The following CERS2 variants were observed in gnomAD, a reference collection of about 807,000 sequenced individuals.
The protein encoded by CERS2 is ceramide synthase 2, also known as LAG1 homolog, ceramide synthase 2.
CERS2 carries 20 observed loss-of-function variants against 56.6 expected under a neutral mutation model. The ratio of observed to expected loss-of-function variants is 0.35; its 90% CI spans 0.25 to 0.51. The LOEUF (loss-of-function observed/expected upper bound fraction) is 0.51, where lower values mean the gene tolerates loss of function less well. Among genes scored for constraint, CERS2 ranks in the 20% least tolerant of loss-of-function variants. CERS2 has a pLI of 0.96. For missense variants in CERS2, 361 were observed against 488.6 expected, an observed-to-expected ratio of 0.74 and a Z score of 2.46; for synonymous variants, 187 against 175.4, an observed-to-expected ratio of 1.07 and a Z score of -0.52.
At chr1:150,968,877 T>C in intron 2 of CERS2, 41 bp downstream of exon 2, 1 of 1,581,740 alleles carries the variant, frequency 6.3e-7, no homozygotes, top group Non-Finnish European at 8.6e-7. Context: ...AAACTGCAAC[T>C]GGCAACAGGG....
intron 1 of CERS2, among the ~76,000 whole-genome samples, chr1:150,972,552 G>A (rs940149990): frequency 2.0e-5 from 3 of 152,220 alleles, no homozygotes; most frequent in African/African-American, 7.2e-5. Context: ...AGACAACCCT[G>A]TTTTTCCAGG....
At chr1:150,971,971 A>T (rs1250059747) in intron 1 of CERS2, 1 of 465,488 alleles carries the variant, frequency 2.1e-6, no homozygotes, top group African/African-American at 2.0e-5. Context: ...ACTGGCAGGG[A>T]TGTTTCTCTA....
chr1:150,966,145 G>GCA lies in CERS2; in HGVS notation c.*2_*3insTG. 6.2e-7 allele frequency: 1 copy of GCA among 1,611,202 alleles called. No homozygotes were observed. Among genetic ancestry groups the GCA allele is most frequent in the South Asian group, 1.1e-5 (1 of 90,708 alleles). ...TAATCTGGGAGGCAGCTGGAGTAATGGTTCAGTCATTCTTACGATGGTTGT... is the reference window on the plus strand; with the variant it reads ...TAATCTGGGAGGCAGCTGGAGTAATGCAGTTCAGTCATTCTTACGATGGTTGT... On this transcript the variant is annotated 3_prime_UTR_variant, in exon 11 of 11. Coordinates refer to ENST00000368954, the MANE Select transcript of CERS2 (RefSeq NM_022075.5).
At position 150,966,777 on chromosome 1, in the gene CERS2, C is replaced by T. The variant is rs1671030503; in HGVS notation, c.827G>A (p.Arg276Gln). 3 of 1,613,720 alleles carry T rather than the reference C, an allele frequency of 1.9e-6. No individual in the cohort carries two copies. The highest frequency in any genetic ancestry group is 1.1e-5 in the South Asian group (1 of 91,070). Residue 276 changes from arginine to glutamine, a missense_variant, in exon 9 of 11, where the codon CGA becomes CAA. By Grantham distance (43) the Arg-to-Gln change is conservative (BLOSUM62 1). Transcript: ENST00000368954. Reference protein sequence around the residue: ...IVFAIVFIITRLVILPFWILH... With the variant: ...IVFAIVFIITQLVILPFWILH... Reference sequence around the variant, plus strand: ...TCACCAGAAGGGCAGGATGACCAGTCGGGTGATGATAAAAACAATGGCGAA... The same window carrying T: ...TCACCAGAAGGGCAGGATGACCAGTTGGGTGATGATAAAAACAATGGCGAA...
At chr1:150,967,016 G>A (rs192357982) in intron 8 of CERS2, 58 bp downstream of exon 8, 21,887 of 1,602,022 alleles carry the variant, frequency 0.014, 219 homozygotes, top group South Asian at 0.019. Flanking sequence ...CCCTCCCAAA[G>A]AAAACCAAAG....
At position 150,966,226 on chromosome 1, in the gene CERS2, T is replaced by C; in HGVS notation, c.1065A>G (p.Ala355=). The change falls in exon 11 of 11, where the codon GCA becomes GCG. Residue 355 remains alanine (A), a synonymous_variant. Coordinates refer to ENST00000368954, the MANE Select transcript of CERS2 (RefSeq NM_022075.5). ...ETESSEGEEA[A]AGGGAKSRPL... Reference sequence around the variant, plus strand: ...GCCGGCTCTTTGCTCCTCCCCCAGCTGCAGCCTCCTCCCCCTCTGAGCTCT... The same window carrying C: ...GCCGGCTCTTTGCTCCTCCCCCAGCCGCAGCCTCCTCCCCCTCTGAGCTCT... 2 of 1,607,940 alleles carry C rather than the reference T, an allele frequency of 1.2e-6. No homozygotes were observed. The highest frequency in any genetic ancestry group is 1.7e-6 in the Non-Finnish European group (2 of 1,178,412).
chr1:150,967,326 G>A (rs587708607), intron 7 of CERS2, 66 bp downstream of exon 7: 19 of 1,425,460 alleles, frequency 1.3e-5, no homozygotes, highest in Middle Eastern at 1.8e-4. Context: ...GAAGTCAAAG[G>A]AGAGGGTGTT....
chr1:150,969,049 C>G lies in CERS2; in HGVS notation c.42G>C (p.Leu14=), dbSNP rs780266733. Residue 14 remains leucine, a synonymous_variant, in exon 2 of 11, where the codon CTG becomes CTC. Coordinates refer to ENST00000368954, the MANE Select transcript of CERS2 (RefSeq NM_022075.5). ...TLYDYFWWER[L]WLPVNLTWAD... Reference sequence around the variant, plus strand: ...CCCAGGTCAAGTTCACAGGCAGCCACAGACGTTCCCACCAGAAGTAATCAT... The same window carrying G: ...CCCAGGTCAAGTTCACAGGCAGCCAGAGACGTTCCCACCAGAAGTAATCAT... 5.6e-6 allele frequency: 9 copies of G among 1,613,974 alleles called. No homozygotes were observed. The highest frequency in any genetic ancestry group is 1.7e-5 in the Admixed American group (1 of 59,994).
At chr1:150,971,765 C>T in intron 1 of CERS2, 1 of 439,224 alleles carries the variant, frequency 2.3e-6, no homozygotes, top group Non-Finnish European at 4.7e-6. Context: ...CAATGCGGAA[C>T]ACTTTGATGT....
intron 1 of CERS2, among the ~76,000 whole-genome samples, chr1:150,973,617 A>C (rs898043161): frequency 2.6e-5 from 4 of 152,250 alleles, no homozygotes; most frequent in African/African-American, 9.6e-5. Context: ...GCCCCTTTAC[A>C]TGTGCAGCCA....
In CERS2 at chr1:150,965,987, T is replaced by C; in HGVS notation, c.*161A>G. 1.4e-6 allele frequency: 1 copy of C among 716,074 alleles called. No individual in the cohort carries two copies. Among genetic ancestry groups the C allele is most frequent in the Non-Finnish European group, 2.2e-6 (1 of 449,104 alleles). The allele number at this position is 716,074 out of a possible 1,614,324, so 44.4% of individuals were successfully genotyped here. On this transcript the variant is annotated 3_prime_UTR_variant, in exon 11 of 11. Coordinates refer to ENST00000368954, the MANE Select transcript of CERS2 (RefSeq NM_022075.5). ...ACCTGGGGATAGGCTGGTTAGAATTTGGTTTAAAGGCAACTGGGTGACAAG... is the reference window on the plus strand; with the variant it reads ...ACCTGGGGATAGGCTGGTTAGAATTCGGTTTAAAGGCAACTGGGTGACAAG...
intron 1 of CERS2, among the ~76,000 whole-genome samples, chr1:150,973,386 G>A (rs1358161087): frequency 2.0e-5 from 3 of 152,342 alleles, no homozygotes; most frequent in Non-Finnish European, 2.9e-5. Context: ...CAGCTGGGGC[G>A]GTGTTGAAGG....
At position 150,968,935 on chromosome 1, in the gene CERS2, A is replaced by G. The variant is rs1558033059; in HGVS notation, c.156T>C (p.Val52=). ...ATGCTTACAGCTCAAAGAAGTATCG[A>G]ACGATGAGGAAGAGCAAGGCCAGGG... is the stretch of plus-strand genomic sequence containing the variant. ...TLPLALLFLI[V]RYFFELYVAT... is the part of the protein sequence containing the mutation. Residue 52 remains valine, a synonymous_variant, in exon 2 of 11, where the codon GTT becomes GTC. Transcript: ENST00000368954. 6.2e-7 allele frequency: 1 copy of G among 1,613,568 alleles called. No individual in the cohort carries two copies. Among genetic ancestry groups the G allele is most frequent in the Non-Finnish European group, 8.5e-7 (1 of 1,179,958 alleles).
intron 2 of CERS2, 39 bp downstream of exon 2, chr1:150,968,879 G>A: frequency 6.3e-7 from 1 of 1,585,274 alleles, no homozygotes; most frequent in African/African-American, 1.3e-5. Context: ...ACTGCAACTG[G>A]CAACAGGGGA....
In CERS2 at chr1:150,965,494, G is replaced by T. The variant is rs1670978872; in HGVS notation, c.*654C>A. On this transcript the variant is annotated 3_prime_UTR_variant, in exon 11 of 11. Coordinates refer to ENST00000368954, the MANE Select transcript of CERS2 (RefSeq NM_022075.5). ...AGGGGGAAGAGGCCAGAGAAAGGAG[G>T]AGGCAGTCAGATCTTAGACCTGTCG... 6.6e-6 allele frequency: 1 copy of T among 152,578 alleles called. No individual in the cohort carries two copies. 9.5% of individuals were successfully genotyped at this position (152,578 alleles called of 1,614,324 possible).
At chr1:150,966,699 G>A in intron 9 of CERS2, 57 bp downstream of exon 9, 2 of 1,602,888 alleles carry the variant, frequency 1.2e-6, no homozygotes, top group Non-Finnish European at 1.7e-6. Flanking sequence ...AGGAGGGGAA[G>A]AAAGGCAAGG....
intron 1 of CERS2, among the ~76,000 whole-genome samples, chr1:150,971,303 T>C (rs941829682): frequency 6.6e-6 from 1 of 152,210 alleles, no homozygotes; most frequent in African/African-American, 2.4e-5. Flanking sequence ...AGACAGAGCC[T>C]GAGACCACAG....
At chr1:150,969,796 C>T (rs1347688334) in intron 1 of CERS2, among the ~76,000 whole-genome samples, 3 of 152,112 alleles carry the variant, frequency 2.0e-5, no homozygotes, top group Non-Finnish European at 4.4e-5. Flanking sequence ...ACACTCTGGC[C>T]ACTTCCTCGA....
rs749478909 is a variant in CERS2, at chr1:150,968,489, G to A, written c.197C>T (p.Ala66Val). Reference protein sequence around the residue: ...FELYVATPLAALLNIKEKTRL... With the variant: ...FELYVATPLAVLLNIKEKTRL... ...AGTTTTCTCCTTTATGTTCAAGAGGGCAGCCAGTGGTGTAGCCACGTACCT... is the reference window on the plus strand; with the variant it reads ...AGTTTTCTCCTTTATGTTCAAGAGGACAGCCAGTGGTGTAGCCACGTACCT... Residue 66 changes from alanine to valine, a missense_variant, in exon 3 of 11, where the codon GCC (alanine) becomes GTC (valine). Around this residue, in one of 3 missense-constraint regions of CERS2, gnomAD observed 236 missense variants for 309.2 expected, o/e 0.76. Transcript: ENST00000368954. The A allele has an allele frequency of 2.4e-5, 38 of 1,613,948 alleles. No individual in the cohort carries two copies. The African/African-American group carries it at 4.9e-4, about 21-fold the overall frequency.
Sources: gnomAD v4.1 joint callset for allele counts (sites outside exome capture counted in the v4.1 genomes callset) on GRCh38, gnomAD v4.1.1 for gene constraint, gnomAD v4.1.1 regional missense constraint, MANE v1.5 for transcripts, NCBI Gene and HGNC (gene_info 2026-07-23, HGNC 2026-07-21) for gene names.